Variants in SUGP1 observed in about 807,000 individuals in gnomAD.
The protein encoded by SUGP1 is SURP and G-patch domain containing 1.
Under a neutral mutation model 76.5 loss-of-function variants are expected in SUGP1, and 34 were observed. That is an observed-to-expected ratio of 0.44 (90% CI 0.34 to 0.59). The LOEUF is 0.59. SUGP1 is among the 20% of genes least tolerant of loss of function. The pLI is 0.01. For synonymous variants in SUGP1, 326 were observed against 326.2 expected (o/e 1.00, Z 0.01); for missense variants, 752 against 851.7 (o/e 0.88, Z 1.46).
At chr19:19,310,661 C>T (rs1225053783) in intron 2 of SUGP1, among the ~76,000 whole-genome samples, 1 of 151,814 alleles carries the variant, frequency 6.6e-6, no homozygotes, top group East Asian at 1.9e-4. Context: ...TCTATCTATC[C>T]GAAACAGAGT....
chr19:19,276,900 C>G, intron 13 of SUGP1, 47 bp downstream of exon 13: 2 of 1,607,242 alleles, frequency 1.2e-6, no homozygotes, highest in Non-Finnish European at 1.7e-6. Context: ...CCTACCACCA[C>G]CCTCTCCTGT....
At chr19:19,278,281 A>T (rs953224428) in intron 11 of SUGP1, among the ~76,000 whole-genome samples, 2 of 152,048 alleles carry the variant, frequency 1.3e-5, no homozygotes, top group Non-Finnish European at 2.9e-5. Flanking sequence ...ACAGTTTTAT[A>T]AAAAAACCTC....
At chr19:19,306,454 T>C (rs1326542272) in intron 3 of SUGP1, among the ~76,000 whole-genome samples, 3 of 152,344 alleles carry the variant, frequency 2.0e-5, no homozygotes, top group Middle Eastern at 3.4e-3. Context: ...CCAGGCTGAC[T>C]GGCCAGGGGC....
Position 19,310,043 on chromosome 19 carries a change from A to G in SUGP1, c.310+54T>C, listed in dbSNP as rs1450760547. ...ACCCATCACTTCCCATGTGCCCAGC[A>G]ACCCCAGGGGGAGATGCAAGGACAG... On this transcript the variant is annotated intron_variant, in intron 3 of 13. Transcript: ENST00000247001. 1.2e-5 allele frequency: 17 copies of G among 1,455,836 alleles called. 1 individual carries two copies. Among genetic ancestry groups the G allele is most frequent in the Non-Finnish European group, 1.6e-5 (17 of 1,039,086 alleles). The allele number at this position is 1,455,836 out of a possible 1,614,324, so 90.2% of individuals were successfully genotyped here.
intron 7 of SUGP1, among the ~76,000 whole-genome samples, chr19:19,297,875 C>G (rs1752434846): frequency 6.6e-6 from 1 of 152,166 alleles, no homozygotes; most frequent in African/African-American, 2.4e-5. Flanking sequence ...GCTGGGAGCA[C>G]AGGTCTTCTC....
chr19:19,305,828 G>A, intron 4 of SUGP1, 21 bp downstream of exon 4: 1 of 1,579,822 alleles, frequency 6.3e-7, no homozygotes, highest in South Asian at 1.2e-5. Context: ...TGGTGGGGGA[G>A]CAGCAGCTCC....
intron 8 of SUGP1, 55 bp from the exon 9 acceptor site, chr19:19,280,346 C>T: frequency 6.6e-7 from 1 of 1,504,356 alleles, no homozygotes. Context: ...CCCGATCTCG[C>T]TCCTGCGCTG....
intron 1 of SUGP1, among the ~76,000 whole-genome samples, chr19:19,318,001 G>A (rs530229331): frequency 4.6e-4 from 69 of 149,892 alleles, no homozygotes; most frequent in African/African-American, 1.7e-3. Flanking sequence ...AGTACAGTTA[G>A]GATTTCGCCA....
chr19:19,310,819 T>A (rs1259848087), intron 2 of SUGP1, among the ~76,000 whole-genome samples: 1 of 152,018 alleles, frequency 6.6e-6, no homozygotes, highest in Non-Finnish European at 1.5e-5. Flanking sequence ...AATTTTTGTA[T>A]TTTTGTAGAG....
intron 4 of SUGP1, chr19:19,305,558 G>C (rs543457162): frequency 3.1e-6 from 1 of 321,352 alleles, no homozygotes; most frequent in South Asian, 6.2e-5. Context: ...AATGCGAGAA[G>C]GGCGTGCGCC....
intron 1 of SUGP1, among the ~76,000 whole-genome samples, chr19:19,318,113 C>CTTT (rs1192437542): frequency 3.4e-3 from 328 of 97,396 alleles, no homozygotes; most frequent in Middle Eastern, 0.01. Context: ...ACCCAGCCTT[C>CTTT]TTTTTTTTTT....
chr19:19,280,619 G>A, intron 8 of SUGP1: 2 of 297,772 alleles, frequency 6.7e-6, no homozygotes, highest in Admixed American at 8.8e-5. Context: ...AATTTGCAGA[G>A]CCAGAGACAA....
At position 19,297,168 on chromosome 19, in the gene SUGP1, G is replaced by T; in HGVS notation, c.1064C>A (p.Ala355Asp). The T allele has an allele frequency of 6.2e-7, 1 of 1,611,934 alleles. No homozygotes were observed. The highest frequency in any genetic ancestry group is 8.5e-7 in the Non-Finnish European group (1 of 1,178,332). ...GATAGTGGGCGCAGGCGTGGACGAG[G>T]CGGGGCAGGTGGTGGCTGGGGGTAA... Reference protein sequence around the residue: ...GSLPPATTCPASSTPAPTIIP... With the variant: ...GSLPPATTCPDSSTPAPTIIP... Residue 355 changes from alanine to aspartate, a missense_variant, in exon 8 of 14, where the codon GCC (alanine) becomes GAC (aspartate). Physicochemically the swap from Ala to Asp is moderately radical, Grantham distance 126. This residue lies in a region of SUGP1 where 620 missense variants were observed against 617.3 expected (regional missense o/e 1.00). Transcript: ENST00000247001.
chr19:19,296,621 T>C (rs1418200893), intron 8 of SUGP1, among the ~76,000 whole-genome samples: 1 of 147,470 alleles, frequency 6.8e-6, no homozygotes, highest in Admixed American at 6.9e-5. Context: ...CACTCCAGCC[T>C]GGGCAACAGA....
At chr19:19,297,743 G>A (rs768998196) in intron 7 of SUGP1, among the ~76,000 whole-genome samples, 2 of 152,238 alleles carry the variant, frequency 1.3e-5, no homozygotes, top group Non-Finnish European at 2.9e-5. Flanking sequence ...AGAGGGACTT[G>A]TCTTGATCCC....
intron 3 of SUGP1, among the ~76,000 whole-genome samples, chr19:19,309,584 C>A (rs1192872436): frequency 6.6e-6 from 1 of 152,052 alleles, no homozygotes; most frequent in African/African-American, 2.4e-5. Context: ...TCAAGATCAT[C>A]CTGGTAACAC....
intron 6 of SUGP1, 104 bp from the exon 7 acceptor site, chr19:19,302,492 G>A (rs1568629852): frequency 1.2e-5 from 18 of 1,486,666 alleles, no homozygotes; most frequent in Non-Finnish European, 1.5e-5. Context: ...TAGGAATGAT[G>A]CAAAGAGAAA....
intron 7 of SUGP1, among the ~76,000 whole-genome samples, chr19:19,299,814 G>A (rs1407579777): frequency 1.3e-5 from 2 of 150,570 alleles, no homozygotes; most frequent in African/African-American, 4.9e-5. Flanking sequence ...TTTTCAAGAT[G>A]GAGTTTCACT....
At position 19,280,235 on chromosome 19, in the gene SUGP1, C is replaced by T. The variant is rs201991625; in HGVS notation, c.1300G>A (p.Val434Ile). The T allele has an allele frequency of 1.7e-5, 27 of 1,614,008 alleles. No individual in the cohort carries two copies. Among genetic ancestry groups the T allele is most frequent in the Non-Finnish European group, 1.9e-5 (22 of 1,179,982 alleles). Residue 434 changes from valine (V) to isoleucine (I), a missense_variant, in exon 9 of 14, where the codon GTC (valine) becomes ATC (isoleucine). Coordinates refer to ENST00000247001, the MANE Select transcript of SUGP1 (RefSeq NM_172231.4). ...TTCTGGGCGTCTGAAAGCTCTGTGA[C>T]GCCCACTAGACCCACAGGCTTCCCC... ...EKGKPVGLVG[V>I]TELSDAQKKQ...
Sources: gnomAD v4.1 joint callset for allele counts (sites outside exome capture counted in the v4.1 genomes callset) on GRCh38, gnomAD v4.1.1 for gene constraint, gnomAD v4.1.1 regional missense constraint, MANE v1.5 for transcripts, NCBI Gene and HGNC (gene_info 2026-07-23, HGNC 2026-07-21) for gene names.